The following RIT2 variants were observed in gnomAD, a reference collection of about 807,000 sequenced individuals.
The protein encoded by RIT2 is GTP-binding protein Rit2.
In RIT2, 24 loss-of-function variants were observed where a neutral mutation model predicts 23.7. The ratio of observed to expected loss-of-function variants is 1.01; its 90% CI spans 0.73 to 1.43. The LOEUF is 1.43. Ranked by LOEUF, RIT2 falls within the 40% of genes most tolerant of loss-of-function variation. The pLI is 0.00. For missense variants in RIT2, 236 were observed against 266.9 expected, an observed-to-expected ratio of 0.88 and a Z score of 0.81; for synonymous variants, 107 against 91.1, an observed-to-expected ratio of 1.17 and a Z score of -0.99.
At chr18:43,103,148 A>G (rs1191637400) in intron 1 of RIT2, among the ~76,000 whole-genome samples, 2 of 151,824 alleles carry the variant, frequency 1.3e-5, no homozygotes, top group African/African-American at 2.4e-5. Context: ...CTTACCCTAT[A>G]CTTACATACC....
intron 2 of RIT2, among the ~76,000 whole-genome samples, chr18:42,999,894 A>C (rs747636384): frequency 1.2e-4 from 19 of 152,108 alleles, no homozygotes; most frequent in African/African-American, 1.9e-4. Flanking sequence ...AAAAGATCAC[A>C]CTAACATTTG....
At chr18:42,813,255 A>C (rs1317948758) in intron 4 of RIT2, among the ~76,000 whole-genome samples, 1 of 152,172 alleles carries the variant, frequency 6.6e-6, no homozygotes, top group Non-Finnish European at 1.5e-5. Flanking sequence ...AATAAACATC[A>C]TTGGTTGAAT....
chr18:42,939,295 TG>T (rs1909536826), intron 3 of RIT2, among the ~76,000 whole-genome samples: 1 of 152,072 alleles, frequency 6.6e-6, no homozygotes, highest in South Asian at 2.1e-4. Flanking sequence ...ATCTGTGCAA[TG>T]AAGTTAAAAA....
chr18:42,822,983 C>G (rs980139377), intron 4 of RIT2, among the ~76,000 whole-genome samples: 1 of 152,112 alleles, frequency 6.6e-6, no homozygotes, highest in Non-Finnish European at 1.5e-5. Context: ...ACTGTTGAGA[C>G]TGTGCCCAAG....
intron 2 of RIT2, among the ~76,000 whole-genome samples, chr18:43,033,023 G>A (rs529184339): frequency 3.9e-5 from 6 of 152,276 alleles, no homozygotes; most frequent in Non-Finnish European, 7.4e-5. Context: ...CAGGCAACCA[G>A]TCAGCCATGA....
At chr18:42,885,412 C>T (rs1002182199) in intron 4 of RIT2, among the ~76,000 whole-genome samples, 5 of 151,996 alleles carry the variant, frequency 3.3e-5, no homozygotes, top group Non-Finnish European at 5.9e-5. Context: ...GGTGAAACCC[C>T]GTCTTTACTA....
intron 4 of RIT2, among the ~76,000 whole-genome samples, chr18:42,836,908 G>T (rs1053658992): frequency 1.3e-5 from 2 of 151,966 alleles, no homozygotes; most frequent in Non-Finnish European, 2.9e-5. Flanking sequence ...TTGATAAGAT[G>T]GGAAGGACTC....
chr18:42,795,762 T>A (rs555886189), intron 4 of RIT2, among the ~76,000 whole-genome samples: 2 of 152,200 alleles, frequency 1.3e-5, no homozygotes, highest in Admixed American at 6.5e-5. Context: ...ATCGGCACTC[T>A]GTATCTAGCT....
chr18:42,968,176 T>C (rs1910282207), intron 3 of RIT2, among the ~76,000 whole-genome samples: 1 of 152,192 alleles, frequency 6.6e-6, no homozygotes, highest in African/African-American at 2.4e-5. Flanking sequence ...GCTTTTCAAC[T>C]ATGCATGTTT....
At chr18:42,836,764 G>T (rs1906616718) in intron 4 of RIT2, among the ~76,000 whole-genome samples, 1 of 152,138 alleles carries the variant, frequency 6.6e-6, no homozygotes, top group African/African-American at 2.4e-5. Flanking sequence ...ATATCATCCT[G>T]TTTCCCATCT....
At chr18:42,795,658 G>C (rs1340956613) in intron 4 of RIT2, among the ~76,000 whole-genome samples, 1 of 152,248 alleles carries the variant, frequency 6.6e-6, no homozygotes, top group Admixed American at 6.5e-5. Flanking sequence ...TGCAGCCCGG[G>C]TGCGGGATCC....
chr18:43,084,397 AG>A (rs1490029680), intron 1 of RIT2, among the ~76,000 whole-genome samples: 3 of 152,192 alleles, frequency 2.0e-5, no homozygotes, highest in South Asian at 2.1e-4. Flanking sequence ...ACATATCCAA[AG>A]GATTGTAAAT....
intron 1 of RIT2, among the ~76,000 whole-genome samples, chr18:43,092,508 G>A (rs1913447081): frequency 6.6e-6 from 1 of 151,916 alleles, no homozygotes; most frequent in African/African-American, 2.4e-5. Context: ...ACTGAATATG[G>A]GGTGTGTTTT....
chr18:43,005,918 T>C (rs916245428), intron 2 of RIT2, among the ~76,000 whole-genome samples: 2 of 151,666 alleles, frequency 1.3e-5, no homozygotes, highest in African/African-American at 2.4e-5. Flanking sequence ...CACACTGCAA[T>C]AGCCAGAGAG....
rs1252600690 is a variant in RIT2, at chr18:42,869,809, T to C, written c.426+53763A>G. Among the ~76,000 whole-genome samples, 5 of 152,220 alleles carry C rather than the reference T, an allele frequency of 3.3e-5. No individual in the cohort carries two copies. The East Asian group carries it at 9.6e-4, about 29-fold the overall frequency. On this transcript the variant is annotated intron_variant, in intron 4 of 4. Coordinates refer to ENST00000326695, the MANE Select transcript of RIT2 (RefSeq NM_002930.4). ...ATGTAAATAAGTTCTCCCTTTTTTA[T>C]GTGTTTTCTTTAAACTAGTGAATCC...
intron 1 of RIT2, among the ~76,000 whole-genome samples, chr18:43,106,521 C>T (rs1913826417): frequency 6.6e-6 from 1 of 152,200 alleles, no homozygotes; most frequent in Admixed American, 6.5e-5. Context: ...AAATTATCTA[C>T]ACTATCTCAT....
intron 4 of RIT2, among the ~76,000 whole-genome samples, chr18:42,819,267 C>T (rs1287598488): frequency 6.6e-6 from 1 of 152,008 alleles, no homozygotes; most frequent in East Asian, 1.9e-4. Flanking sequence ...AATGTAAATG[C>T]CACAGTCCTT....
At position 42,743,612 on chromosome 18, in the gene RIT2, T is replaced by A. The variant is rs944213504; in HGVS notation, c.535A>T (p.Arg179Trp). The A allele has an allele frequency of 1.9e-6, 3 of 1,613,886 alleles. No individual in the cohort carries two copies. The African/African-American group carries it at 4.0e-5, about 22-fold the overall frequency. ...CIDDAFHGLV[R>W]EIRKKESMPS... ...ATGGACTCCTTCTTGCGAATTTCCC[T>A]CACTAAGCCATGAAAAGCATCATCA... The change falls in exon 5 of 5, where the codon AGG becomes TGG. Residue 179 changes from arginine (R) to tryptophan (W), a missense_variant. Transcript: ENST00000326695.
rs188867105 is a variant in RIT2 at position 42,898,838 on chromosome 18, A to C, written c.426+24734T>G. The stretch of plus-strand genomic sequence containing the variant: ...AGAGTCTCTCAATTTAGACTCCTCC[A>C]ATGTTTTCTTGTAATTAGATTCAAG... On this transcript the variant is annotated intron_variant, in intron 4 of 4. Coordinates refer to ENST00000326695, the MANE Select transcript of RIT2 (RefSeq NM_002930.4). Among the ~76,000 whole-genome samples the C allele has an allele frequency of 2.0e-3, 302 of 152,234 alleles. 3 individuals are homozygous for C. Among genetic ancestry groups the C allele is most frequent in the African/African-American group, 6.8e-3 (283 of 41,550 alleles).
Sources: gnomAD v4.1 joint callset for allele counts (sites outside exome capture counted in the v4.1 genomes callset) on GRCh38, gnomAD v4.1.1 for gene constraint, MANE v1.5 for transcripts, NCBI Gene and HGNC (gene_info 2026-07-23, HGNC 2026-07-21) for gene names.